Variants in AKAP6 observed in about 807,000 individuals in gnomAD.
The protein encoded by AKAP6 is A-kinase anchor protein 6.
Under a neutral mutation model 188.5 loss-of-function variants are expected in AKAP6, and 58 were observed. That is an observed-to-expected ratio of 0.31 (90% CI 0.25 to 0.38). AKAP6 has a LOEUF of 0.38. Ranked by LOEUF, AKAP6 falls within the 10% of genes least tolerant of loss-of-function variation. The probability of loss-of-function intolerance (pLI) is 1.00; values close to 1 mark genes in which losing one functional copy is unlikely to be tolerated. For synonymous variants in AKAP6, 989 were observed against 998.6 expected (o/e 0.99, Z 0.18); for missense variants, 2,710 against 2,740.0 (o/e 0.99, Z 0.24).
At chr14:32,550,992 C>T (rs1883435335) in intron 4 of AKAP6, among the ~76,000 whole-genome samples, 1 of 152,114 alleles carries the variant, frequency 6.6e-6, no homozygotes, top group Non-Finnish European at 1.5e-5. Context: ...TTATGTCATC[C>T]CTCTGCTCCA....
chr14:32,513,038 T>TC (rs756519084), intron 2 of AKAP6, among the ~76,000 whole-genome samples: 2 of 152,146 alleles, frequency 1.3e-5, no homozygotes, highest in Non-Finnish European at 2.9e-5. Context: ...ATGTCTTTAC[T>TC]CCCCCAGTAA....
intron 7 of AKAP6, among the ~76,000 whole-genome samples, chr14:32,669,567 T>C (rs1889090725): frequency 6.6e-6 from 1 of 152,164 alleles, no homozygotes. Flanking sequence ...TTCTAAATCC[T>C]GGAATGAGTA....
At position 32,800,061 on chromosome 14, in the gene AKAP6, C is replaced by CTA. The variant is rs1555363776; in HGVS notation, c.3589-21332_3589-21331dup. On this transcript the variant is annotated intron_variant, in intron 12 of 13. Transcript: ENST00000280979. ...CCTGTCTCTCTCTCTCTCTCTCTCT[C>CTA]TATATATATAGAAATATATATATAT... is the stretch of plus-strand genomic sequence containing the variant. Among the ~76,000 whole-genome samples, 166 of 136,936 alleles carry CTA rather than the reference C, an allele frequency of 1.2e-3. 1 individual carries two copies. The highest frequency in any genetic ancestry group is 4.1e-3 in the African/African-American group (152 of 37,458). The allele number at this position is 136,936 out of a possible 152,430, so 89.8% of individuals were successfully genotyped here.
rs139125971 is a variant in AKAP6, at chr14:32,345,893, G to A, written c.-35+16485G>A. 3.1e-3 allele frequency among the ~76,000 whole-genome samples: 465 copies of A among 152,272 alleles called. 1 individual carries two copies. Among genetic ancestry groups the A allele is most frequent in the Non-Finnish European group, 4.2e-3 (284 of 68,022 alleles). ...GGCATATTTCCCTCTATCCACAGAT[G>A]CTTGAAGCCAGAGGTTTCCAAACTG... On this transcript the variant is annotated intron_variant, in intron 1 of 13. Transcript: ENST00000280979.
chr14:32,573,508 A>G (rs2139251727), intron 4 of AKAP6, among the ~76,000 whole-genome samples: 1 of 152,258 alleles, frequency 6.6e-6, no homozygotes, highest in Admixed American at 6.5e-5. Flanking sequence ...ATTTATTGTA[A>G]TCTTTTTTGA....
chr14:32,354,521 A>G (rs1406608940), intron 1 of AKAP6, among the ~76,000 whole-genome samples: 2 of 152,152 alleles, frequency 1.3e-5, no homozygotes, highest in Non-Finnish European at 2.9e-5. Flanking sequence ...CGACAATGGT[A>G]ATTTCTTTCT....
At chr14:32,698,473 CA>C (rs1052427531) in intron 9 of AKAP6, among the ~76,000 whole-genome samples, 17 of 152,052 alleles carry the variant, frequency 1.1e-4, no homozygotes, top group Non-Finnish European at 2.4e-4. Context: ...TTGTTGACCC[CA>C]AAAGATACCA....
intron 1 of AKAP6, among the ~76,000 whole-genome samples, chr14:32,431,286 C>T (rs1386511912): frequency 6.6e-6 from 1 of 151,914 alleles, no homozygotes; most frequent in African/African-American, 2.4e-5. Flanking sequence ...AAACTGAATG[C>T]AAGCATGGTT....
chr14:32,800,238 A>C (rs2033910635), intron 12 of AKAP6, among the ~76,000 whole-genome samples: 1 of 149,224 alleles, frequency 6.7e-6, no homozygotes, highest in African/African-American at 2.5e-5. Context: ...ATACAAAAAT[A>C]TATATATACA....
intron 1 of AKAP6, among the ~76,000 whole-genome samples, chr14:32,431,923 C>T (rs1160590421): frequency 6.6e-6 from 1 of 152,218 alleles, no homozygotes; most frequent in South Asian, 2.1e-4. Context: ...GTAACTTAGT[C>T]TTAAGGCTTT....
chr14:32,468,452 C>T (rs1878583359), intron 2 of AKAP6, among the ~76,000 whole-genome samples: 1 of 152,098 alleles, frequency 6.6e-6, no homozygotes, highest in Non-Finnish European at 1.5e-5. Context: ...GTAAGTATAG[C>T]AGAGAAACAC....
chr14:32,628,408 T>C (rs1566613573), intron 7 of AKAP6, among the ~76,000 whole-genome samples: 1 of 152,052 alleles, frequency 6.6e-6, no homozygotes, highest in Admixed American at 6.6e-5. Context: ...GATAGGTTGA[T>C]GGGTCTTTAT....
chr14:32,447,924 T>C (rs936658622), intron 2 of AKAP6, among the ~76,000 whole-genome samples: 4 of 152,216 alleles, frequency 2.6e-5, no homozygotes, highest in African/African-American at 9.6e-5. Flanking sequence ...AATCTACCCA[T>C]GCACATTGCT....
chr14:32,625,466 T>C (rs1886982418), intron 7 of AKAP6, among the ~76,000 whole-genome samples: 1 of 152,140 alleles, frequency 6.6e-6, no homozygotes, highest in African/African-American at 2.4e-5. Context: ...TTTGTTATTA[T>C]TACACAAAAC....
chr14:32,464,695 A>T (rs1214398083), intron 2 of AKAP6, among the ~76,000 whole-genome samples: 1 of 152,226 alleles, frequency 6.6e-6, no homozygotes, highest in African/African-American at 2.4e-5. Context: ...CAAGACAAGG[A>T]TGCCCTTTCT....
intron 7 of AKAP6, among the ~76,000 whole-genome samples, chr14:32,602,624 G>A (rs1452932468): frequency 6.6e-6 from 1 of 152,188 alleles, no homozygotes; most frequent in East Asian, 1.9e-4. Flanking sequence ...TATTTAACAA[G>A]AATACACTGA....
chr14:32,344,045 G>T (rs190567227), intron 1 of AKAP6, among the ~76,000 whole-genome samples: 7 of 152,208 alleles, frequency 4.6e-5, no homozygotes, highest in Non-Finnish European at 1.0e-4. Flanking sequence ...AACTCTGGCT[G>T]TTGTATTCCC....
chr14:32,728,726 T>C (rs755336627), intron 9 of AKAP6, among the ~76,000 whole-genome samples: 1 of 152,210 alleles, frequency 6.6e-6, no homozygotes, highest in African/African-American at 2.4e-5. Context: ...CTTTTCAGCA[T>C]AACCAACAGA....
chr14:32,362,066 A>G (rs1887682534), intron 1 of AKAP6, among the ~76,000 whole-genome samples: 1 of 152,164 alleles, frequency 6.6e-6, no homozygotes. Context: ...TATTGTAGGT[A>G]TTCAGTAAAT....
Sources: allele counts gnomAD v4.1 joint callset (sites outside exome capture counted in the v4.1 genomes callset), GRCh38; gene constraint gnomAD v4.1.1; transcripts MANE v1.5; gene names NCBI Gene and HGNC (gene_info 2026-07-23, HGNC 2026-07-21).